The following PRKG1 variants were observed in gnomAD, a reference collection of about 807,000 sequenced individuals.
PRKG1 encodes cGMP-dependent protein kinase 1.
In PRKG1, 35 loss-of-function variants were observed where a neutral mutation model predicts 88.1. That is an observed-to-expected ratio of 0.40 (90% confidence interval 0.30 to 0.53). The LOEUF is 0.53. PRKG1 is among the 20% of genes least tolerant of loss of function. The pLI is 0.59. For synonymous variants in PRKG1, 303 were observed against 292.5 expected (o/e 1.04, Z -0.37); for missense variants, 540 against 839.8 (o/e 0.64, Z 4.41).
At chr10:51,896,896 G>A (rs1342076385) in intron 4 of PRKG1, among the ~76,000 whole-genome samples, 1 of 152,056 alleles carries the variant, frequency 6.6e-6, no homozygotes, top group Admixed American at 6.6e-5. Flanking sequence ...GTATTTTTAT[G>A]TGAAAATAAA....
chr10:51,348,947 C>T (rs1002598066), intron 2 of PRKG1, among the ~76,000 whole-genome samples: 4 of 152,022 alleles, frequency 2.6e-5, no homozygotes, highest in African/African-American at 9.7e-5. Flanking sequence ...CAGGTGAAAT[C>T]CGGAGCTAGG....
chr10:51,970,043 CA>C (rs1564733431), intron 5 of PRKG1, among the ~76,000 whole-genome samples: 52 of 85,540 alleles, frequency 6.1e-4, no homozygotes, highest in African/African-American at 1.7e-3. Flanking sequence ...CACACACACA[CA>C]CACACACCCA....
chr10:51,252,622 C>T (rs1291721989), intron 2 of PRKG1, among the ~76,000 whole-genome samples: 1 of 151,536 alleles, frequency 6.6e-6, no homozygotes, highest in Non-Finnish European at 1.5e-5. Context: ...AATAATTGCC[C>T]TTATTGACTT....
At chr10:51,747,312 G>C (rs753295528) in intron 3 of PRKG1, among the ~76,000 whole-genome samples, 59 of 152,162 alleles carry the variant, frequency 3.9e-4, no homozygotes, top group South Asian at 8.3e-4. Flanking sequence ...GCTTGTCACT[G>C]TTTCTGAATT....
intron 2 of PRKG1, among the ~76,000 whole-genome samples, chr10:51,263,697 G>A (rs1393275965): frequency 3.9e-5 from 6 of 152,198 alleles, no homozygotes; most frequent in African/African-American, 1.4e-4. Context: ...TATTTCATTA[G>A]TATAGTCCAT....
chr10:52,228,679 G>T (rs1311558400), intron 9 of PRKG1, among the ~76,000 whole-genome samples: 1 of 152,160 alleles, frequency 6.6e-6, no homozygotes, highest in African/African-American at 2.4e-5. Flanking sequence ...ACATGGACCT[G>T]TAATAATAAT....
chr10:52,058,547 T>C, intron 6 of PRKG1, among the ~76,000 whole-genome samples: 1 of 151,996 alleles, frequency 6.6e-6, no homozygotes, highest in East Asian at 1.9e-4. Flanking sequence ...AATCAGTAAA[T>C]GAAAGTAACT....
At chr10:51,107,844 T>G (rs1221080061) in intron 1 of PRKG1, among the ~76,000 whole-genome samples, 2 of 147,322 alleles carry the variant, frequency 1.4e-5, no homozygotes, top group Admixed American at 6.8e-5. Context: ...AAGATAAAAC[T>G]TTATAACCAG....
chr10:52,170,395 GAAAGATGTATCTAT>G (rs1838633245), intron 9 of PRKG1, among the ~76,000 whole-genome samples: 1 of 152,146 alleles, frequency 6.6e-6, no homozygotes. Context: ...AAGTAAACAA[GAAAGATGTATCTAT>G]GGTAGTGAAC....
intron 3 of PRKG1, chr10:51,699,196 G>A (rs758560347): frequency 1.2e-5 from 19 of 1,613,996 alleles, no homozygotes; most frequent in South Asian, 9.9e-5. Context: ...CTGGATCGAT[G>A]GGATCCCCAT....
chr10:51,070,125 A>C (rs890676339), upstream of PRKG1, among the ~76,000 whole-genome samples: 4 of 152,108 alleles, frequency 2.6e-5, no homozygotes, highest in African/African-American at 9.7e-5. Flanking sequence ...AGTTCTGCAG[A>C]AAGTAATGAG....
At chr10:51,133,091 G>A (rs1845610920) in intron 1 of PRKG1, among the ~76,000 whole-genome samples, 1 of 152,136 alleles carries the variant, frequency 6.6e-6, no homozygotes, top group Non-Finnish European at 1.5e-5. Flanking sequence ...TACCCTCAGT[G>A]ATGGCTGTCA....
intron 10 of PRKG1, among the ~76,000 whole-genome samples, chr10:52,253,924 A>G (rs962031690): frequency 1.0e-4 from 3 of 29,020 alleles, no homozygotes; most frequent in Non-Finnish European, 4.0e-4. Context: ...TCCACAACAC[A>G]CTGTAGACAA....
At chr10:51,658,797 T>G (rs1444937164) in intron 3 of PRKG1, among the ~76,000 whole-genome samples, 2 of 152,032 alleles carry the variant, frequency 1.3e-5, no homozygotes, top group African/African-American at 4.8e-5. Flanking sequence ...AAATAGTGTC[T>G]CCTTGAAATA....
intron 2 of PRKG1, among the ~76,000 whole-genome samples, chr10:51,301,193 AATC>A (rs1719681040): frequency 6.6e-6 from 1 of 152,150 alleles, no homozygotes; most frequent in Non-Finnish European, 1.5e-5. Context: ...AAGTCAAAGA[AATC>A]ATTGTGCTCT....
chr10:51,790,210 G>A (rs1228589256), intron 3 of PRKG1, among the ~76,000 whole-genome samples: 1 of 152,086 alleles, frequency 6.6e-6, no homozygotes, highest in Non-Finnish European at 1.5e-5. Flanking sequence ...ATTCCTCAGA[G>A]CTAGTGAGCC....
At chr10:51,080,786 G>T (rs10995567) in intron 1 of PRKG1, among the ~76,000 whole-genome samples, 1 of 152,088 alleles carries the variant, frequency 6.6e-6, no homozygotes, top group African/African-American at 2.4e-5. Flanking sequence ...CTCACACTCA[G>T]TTCTGACACC....
chr10:52,159,780 A>T (rs1838231228), intron 8 of PRKG1, among the ~76,000 whole-genome samples: 1 of 151,908 alleles, frequency 6.6e-6, no homozygotes, highest in African/African-American at 2.4e-5. Context: ...TTTTTAAAAA[A>T]AACTACTTGA....
At chr10:51,061,130 C>G (rs923228637) in intron 1 of PRKG1, among the ~76,000 whole-genome samples, 3 of 148,368 alleles carry the variant, frequency 2.0e-5, no homozygotes, top group Non-Finnish European at 4.4e-5. Flanking sequence ...ATACCTGAGA[C>G]TGGGTAATTT....
Sources: allele counts gnomAD v4.1 joint callset (sites outside exome capture counted in the v4.1 genomes callset), GRCh38; gene constraint gnomAD v4.1.1; transcripts MANE v1.5; gene names NCBI Gene and HGNC (gene_info 2026-07-23, HGNC 2026-07-21).